Variants in ZFYVE16 observed in about 807,000 individuals in gnomAD.
ZFYVE16 encodes zinc finger FYVE-type containing 16.
Under a neutral mutation model 138.1 loss-of-function variants are expected in ZFYVE16, and 89 were observed. That is an observed-to-expected ratio of 0.64 (90% confidence interval 0.54 to 0.77). The LOEUF (loss-of-function observed/expected upper bound fraction) is 0.77, where lower values mean the gene tolerates loss of function less well. ZFYVE16 is among the 30% of genes least tolerant of loss of function. The probability of loss-of-function intolerance (pLI) is 0.00; values close to 1 mark genes in which losing one functional copy is unlikely to be tolerated. For missense variants in ZFYVE16, 1,793 were observed against 1,786.7 expected (o/e 1.00, Z -0.06); for synonymous variants, 596 against 618.3 (o/e 0.96, Z 0.53).
At chr5:80,449,531 A>T in intron 8 of ZFYVE16, 60 bp from the exon 9 acceptor site, 1 of 1,530,586 alleles carries the variant, frequency 6.5e-7, no homozygotes, top group Admixed American at 2.4e-5. Flanking sequence ...TGTTTTTTTC[A>T]TTTGTAAGCA....
In ZFYVE16 at chr5:80,438,998, A is replaced by G. The variant is rs765875216; in HGVS notation, c.2313A>G (p.Ala771=). Residue 771 remains alanine, a synonymous_variant, in exon 4 of 19, where the codon GCA becomes GCG. Transcript: ENST00000505560. ...CCAAACGGCGACACCATTGCCGAGC[A>G]TGTGGGAAAGTAAGTTATAAAAATC... The part of the protein sequence containing the change: ...TFTKRRHHCR[A]CGKVFCGVCC... The G allele has an allele frequency of 6.2e-7, 1 of 1,601,792 alleles. No homozygotes were observed. Among genetic ancestry groups the G allele is most frequent in the Admixed American group, 1.7e-5 (1 of 57,350 alleles).
chr5:80,466,228 A>G (rs1222929540), intron 15 of ZFYVE16, among the ~76,000 whole-genome samples: 1 of 152,054 alleles, frequency 6.6e-6, no homozygotes, highest in Non-Finnish European at 1.5e-5. Flanking sequence ...GCCCATCCAC[A>G]TATGTTGGTA....
intron 1 of ZFYVE16, among the ~76,000 whole-genome samples, chr5:80,420,520 C>A (rs905026210): frequency 6.6e-5 from 10 of 152,092 alleles, no homozygotes; most frequent in African/African-American, 2.2e-4. Context: ...TGTTCAATTC[C>A]CACCTATGAG....
intron 3 of ZFYVE16, among the ~76,000 whole-genome samples, chr5:80,434,897 T>A (rs528529235): frequency 6.6e-6 from 1 of 152,318 alleles, no homozygotes; most frequent in Admixed American, 6.5e-5. Flanking sequence ...GTTTCACTGT[T>A]GTTGCCCAGG....
intron 2 of ZFYVE16, among the ~76,000 whole-genome samples, chr5:80,428,254 G>A (rs1001149266): frequency 1.4e-4 from 21 of 152,190 alleles, no homozygotes; most frequent in Admixed American, 9.8e-4. Flanking sequence ...CCTCTGAGAC[G>A]AAACTTCCAG....
In ZFYVE16 at chr5:80,450,451, T is replaced by C; in HGVS notation, c.3247T>C (p.Tyr1083His). ...CTAAGATTCCTCAGACAAATATTGG[T>C]ACTTTTCAACCAATGGATTGCATGG... ...FIFYSSDKYW[Y>H]FSTNGLHGLG... is the part of the protein sequence containing the mutation. The change falls in exon 10 of 19, where the codon TAC becomes CAC. Residue 1083 changes from tyrosine (Y) to histidine (H), a missense_variant. This residue lies in a region of ZFYVE16 where 498 missense variants were observed against 582.4 expected (regional missense o/e 0.86). Coordinates refer to ENST00000505560, the MANE Select transcript of ZFYVE16 (RefSeq NM_001284236.3). 4 of 1,613,548 alleles carry C rather than the reference T, an allele frequency of 2.5e-6. 1 individual carries two copies. In the South Asian group the frequency reaches 4.4e-5, roughly 18 times the overall value.
At chr5:80,465,380 C>CT (rs374585712) in intron 15 of ZFYVE16, among the ~76,000 whole-genome samples, 5 of 33,844 alleles carry the variant, frequency 1.5e-4, no homozygotes, top group Admixed American at 2.9e-4. Flanking sequence ...TCCATGGTTT[C>CT]TTTTTTTTTC....
intron 5 of ZFYVE16, among the ~76,000 whole-genome samples, chr5:80,442,206 C>T (rs998180086): frequency 6.6e-6 from 1 of 152,134 alleles, no homozygotes; most frequent in Non-Finnish European, 1.5e-5. Flanking sequence ...CAGGCTCAAG[C>T]AGTCCTCCCA....
intron 1 of ZFYVE16, among the ~76,000 whole-genome samples, chr5:80,426,244 G>GTC (rs1301037374): frequency 7.4e-5 from 8 of 108,342 alleles, no homozygotes; most frequent in African/African-American, 2.9e-4. Flanking sequence ...GTGTGTGTCT[G>GTC]TGTGTGTGTG....
chr5:80,472,708 A>G, intron 15 of ZFYVE16, 53 bp from the exon 16 acceptor site: 1 of 1,551,428 alleles, frequency 6.4e-7, no homozygotes, highest in South Asian at 1.2e-5. Flanking sequence ...TATGGCTTAG[A>G]TATACACATT....
intron 5 of ZFYVE16, chr5:80,442,034 G>T (rs1301590894): frequency 8.5e-6 from 5 of 589,390 alleles, no homozygotes; most frequent in Non-Finnish European, 1.1e-5. Context: ...ATATCAGATG[G>T]TGATAATACC....
At chr5:80,417,369 A>C (rs1198440202) in intron 1 of ZFYVE16, among the ~76,000 whole-genome samples, 2 of 152,192 alleles carry the variant, frequency 1.3e-5, no homozygotes, top group African/African-American at 4.8e-5. Flanking sequence ...CCATTCTCCT[A>C]AATAATTTTT....
At chr5:80,419,635 C>T (rs935801427) in intron 1 of ZFYVE16, among the ~76,000 whole-genome samples, 2 of 152,126 alleles carry the variant, frequency 1.3e-5, no homozygotes, top group Admixed American at 1.3e-4. Flanking sequence ...CCTCAGCCTC[C>T]CAGAGTGCTG....
chr5:80,437,892 C>G lies in ZFYVE16; in HGVS notation c.1207C>G (p.His403Asp). 1 of 1,613,916 alleles carries G rather than the reference C, an allele frequency of 6.2e-7. No homozygotes were observed. The highest frequency in any genetic ancestry group is 8.5e-7 in the Non-Finnish European group (1 of 1,179,916). Residue 403 changes from histidine (H) to aspartate (D), a missense_variant, in exon 4 of 19, where the codon CAT (histidine) becomes GAT (aspartate). This residue lies in a region of ZFYVE16 where 1,295 missense variants were observed against 1,204.3 expected (regional missense o/e 1.08). Transcript: ENST00000505560. The stretch of plus-strand genomic sequence containing the variant: ...GGGTGATTTTTTACCTCAGCATGAA[C>G]ATAAAGATAATATACAAGATGCAGT... ...ARGDFLPQHE[H>D]KDNIQDAVTI...
At chr5:80,465,400 G>GTTTTTTTTTTTTTGTTTTTTT (rs1753603175) in intron 15 of ZFYVE16, among the ~76,000 whole-genome samples, 1 of 26,780 alleles carries the variant, frequency 3.7e-5, no homozygotes, top group African/African-American at 1.0e-4. Flanking sequence ...CCTTTTCTTT[G>GTTTTTTTTTTTTTGTTTTTTT]TTTTTTTTTT....
At position 80,426,008 on chromosome 5, in the gene ZFYVE16, G is replaced by C. The variant is rs148870101; in HGVS notation, c.-93-1484G>C. On this transcript the variant is annotated intron_variant, in intron 1 of 18. Transcript: ENST00000505560. ...TTCTTATCTAAAGAACTTTTCATCA[G>C]TAATTATTTTGTTACAAAGTATATT... Among the ~76,000 whole-genome samples, 944 of 152,102 alleles carry C rather than the reference G, an allele frequency of 6.2e-3. 10 individuals carry two copies. The highest frequency in any genetic ancestry group is 0.021 in the African/African-American group (872 of 41,474).
chr5:80,455,638 A>G (rs1413149928), intron 11 of ZFYVE16, 54 bp from the exon 12 acceptor site: 9 of 1,377,144 alleles, frequency 6.5e-6, no homozygotes, highest in Middle Eastern at 1.8e-4. Flanking sequence ...AATAAATTCA[A>G]TAATTTGGGG....
chr5:80,427,940 C>G (rs147142912), intron 2 of ZFYVE16, among the ~76,000 whole-genome samples: 2 of 125,328 alleles, frequency 1.6e-5, no homozygotes, highest in Non-Finnish European at 3.1e-5. Flanking sequence ...TCACTGCACT[C>G]TAGCATGCGT....
At chr5:80,433,526 T>C (rs1749417378) in intron 2 of ZFYVE16, among the ~76,000 whole-genome samples, 1 of 152,058 alleles carries the variant, frequency 6.6e-6, no homozygotes, top group Non-Finnish European at 1.5e-5. Flanking sequence ...ACATGGGACA[T>C]GTATACATAC....
Sources: allele counts gnomAD v4.1 joint callset (sites outside exome capture counted in the v4.1 genomes callset), GRCh38; gene constraint gnomAD v4.1.1; regional missense constraint gnomAD v4.1.1; transcripts MANE v1.5; gene names NCBI Gene and HGNC (gene_info 2026-07-23, HGNC 2026-07-21).